Variants in LSAMP observed in about 807,000 individuals in gnomAD.
The protein encoded by LSAMP is limbic system associated membrane protein.
In LSAMP, 7 loss-of-function variants were observed where a neutral mutation model predicts 38.6. That is an observed-to-expected ratio of 0.18 (90% CI 0.10 to 0.34). The LOEUF is 0.34. Among genes scored for constraint, LSAMP ranks in the 10% least tolerant of loss-of-function variants. LSAMP has a pLI of 1.00. For missense variants in LSAMP, 313 were observed against 420.0 expected (o/e 0.75, Z 2.23); for synonymous variants, 154 against 166.8 (o/e 0.92, Z 0.59).
chr3:116,171,019 G>T (rs1221861331), intron 1 of LSAMP, among the ~76,000 whole-genome samples: 1 of 152,096 alleles, frequency 6.6e-6, no homozygotes, highest in Non-Finnish European at 1.5e-5. Flanking sequence ...AGTGCTAAAA[G>T]CATGAAAACT....
At chr3:115,872,377 G>A (rs1936066120) in intron 3 of LSAMP, among the ~76,000 whole-genome samples, 1 of 152,118 alleles carries the variant, frequency 6.6e-6, no homozygotes, top group Non-Finnish European at 1.5e-5. Context: ...TGCCCCATGT[G>A]CCACCCTGCG....
chr3:115,905,200 C>T (rs981481660), intron 3 of LSAMP, among the ~76,000 whole-genome samples: 1 of 152,044 alleles, frequency 6.6e-6, no homozygotes, highest in Non-Finnish European at 1.5e-5. Flanking sequence ...TAGAATATAA[C>T]CTATTTTTAA....
chr3:115,852,347 G>A (rs1256676303), intron 4 of LSAMP, 136 bp downstream of exon 4: 5 of 1,017,018 alleles, frequency 4.9e-6, no homozygotes, highest in Non-Finnish European at 2.8e-6. Flanking sequence ...TGTGTTCAAT[G>A]TATAAATGTG....
chr3:115,839,036 C>T (rs1248062652), intron 6 of LSAMP, among the ~76,000 whole-genome samples: 1 of 152,162 alleles, frequency 6.6e-6, no homozygotes, highest in Admixed American at 6.5e-5. Flanking sequence ...ACAGTGCTTC[C>T]GTCAGGGCCG....
chr3:115,811,050 C>G (rs1292778429), intron 6 of LSAMP, among the ~76,000 whole-genome samples: 2 of 152,194 alleles, frequency 1.3e-5, no homozygotes, highest in Non-Finnish European at 2.9e-5. Context: ...TCATTTGTCA[C>G]TTTAAAAATC....
intron 2 of LSAMP, among the ~76,000 whole-genome samples, chr3:116,038,910 A>G (rs1362421141): frequency 6.6e-6 from 1 of 152,222 alleles, no homozygotes. Flanking sequence ...TAAAAATACC[A>G]ACCTTAAGGC....
intron 3 of LSAMP, among the ~76,000 whole-genome samples, chr3:115,946,315 G>T (rs1000992706): frequency 6.6e-6 from 1 of 152,164 alleles, no homozygotes; most frequent in Non-Finnish European, 1.5e-5. Context: ...AAAACTTTCT[G>T]TTGGCCGGAA....
intron 3 of LSAMP, among the ~76,000 whole-genome samples, chr3:115,887,154 T>C (rs950894109): frequency 2.6e-5 from 4 of 151,932 alleles, no homozygotes; most frequent in Non-Finnish European, 4.4e-5. Flanking sequence ...TAAATAATTT[T>C]CATGTTTTAG....
At chr3:116,308,326 A>C in intron 1 of LSAMP, among the ~76,000 whole-genome samples, 1 of 152,018 alleles carries the variant, frequency 6.6e-6, no homozygotes, top group East Asian at 1.9e-4. Flanking sequence ...ATGAATCAAC[A>C]TGTATCTCTT....
At chr3:116,206,369 A>G (rs1009270394) in intron 1 of LSAMP, among the ~76,000 whole-genome samples, 66 of 150,970 alleles carry the variant, frequency 4.4e-4, no homozygotes, top group African/African-American at 1.6e-3. Flanking sequence ...TGGATTCATT[A>G]ATTTTTTGAA....
intron 1 of LSAMP, among the ~76,000 whole-genome samples, chr3:116,157,994 A>G (rs1209396696): frequency 6.6e-6 from 1 of 152,190 alleles, no homozygotes; most frequent in African/African-American, 2.4e-5. Flanking sequence ...GCACATCAAA[A>G]GATTAATCCA....
At chr3:115,950,583 G>T (rs1938249924) in intron 3 of LSAMP, among the ~76,000 whole-genome samples, 2 of 151,968 alleles carry the variant, frequency 1.3e-5, no homozygotes, top group South Asian at 4.1e-4. Context: ...ATTGCCAAAA[G>T]AAATCATTTA....
At chr3:116,294,256 T>C (rs1395664035) in intron 1 of LSAMP, among the ~76,000 whole-genome samples, 1 of 152,166 alleles carries the variant, frequency 6.6e-6, no homozygotes, top group East Asian at 1.9e-4. Context: ...CTATTAATGG[T>C]TGAATTTCAT....
At chr3:116,438,910 G>A (rs1299474777) in intron 1 of LSAMP, among the ~76,000 whole-genome samples, 1 of 152,064 alleles carries the variant, frequency 6.6e-6, no homozygotes, top group Non-Finnish European at 1.5e-5. Context: ...GTTTGAATTT[G>A]TTCATCTTTG....
intron 2 of LSAMP, among the ~76,000 whole-genome samples, chr3:116,074,013 G>A (rs1707673408): frequency 6.6e-6 from 1 of 152,146 alleles, no homozygotes; most frequent in Admixed American, 6.5e-5. Context: ...CCAACAACGT[G>A]GCCCTGGATC....
chr3:116,376,266 T>A (rs2048491418), intron 1 of LSAMP, among the ~76,000 whole-genome samples: 1 of 152,080 alleles, frequency 6.6e-6, no homozygotes, highest in Non-Finnish European at 1.5e-5. Context: ...GATGAGATAA[T>A]CTTGCATCTA....
At chr3:116,222,466 GA>G (rs1462992314) in intron 1 of LSAMP, among the ~76,000 whole-genome samples, 1 of 151,956 alleles carries the variant, frequency 6.6e-6, no homozygotes, top group Non-Finnish European at 1.5e-5. Flanking sequence ...TGTGAGGTAG[GA>G]AAAAGGCTTA....
At chr3:116,014,072 A>G (rs1488055592) in intron 3 of LSAMP, among the ~76,000 whole-genome samples, 1 of 152,152 alleles carries the variant, frequency 6.6e-6, no homozygotes, top group Non-Finnish European at 1.5e-5. Context: ...TCATGCAATT[A>G]CAGATGTCCT....
intron 1 of LSAMP, among the ~76,000 whole-genome samples, chr3:116,203,852 A>T (rs1353454203): frequency 1.3e-5 from 2 of 152,144 alleles, no homozygotes; most frequent in Admixed American, 6.5e-5. Context: ...ATAATGCCGC[A>T]ATAAACATAC....
Sources: allele counts gnomAD v4.1 joint callset (sites outside exome capture counted in the v4.1 genomes callset), GRCh38; gene constraint gnomAD v4.1.1; transcripts MANE v1.5; gene names NCBI Gene and HGNC (gene_info 2026-07-23, HGNC 2026-07-21).